Variants in KCNQ5 observed in about 807,000 individuals in gnomAD.
The protein encoded by KCNQ5 is potassium voltage-gated channel subfamily KQT member 5.
Under a neutral mutation model 98.2 loss-of-function variants are expected in KCNQ5, and 30 were observed. That is an observed-to-expected ratio of 0.31 (90% CI 0.23 to 0.41). The LOEUF is 0.41. Ranked by LOEUF, KCNQ5 falls within the 10% of genes least tolerant of loss-of-function variation. The pLI is 1.00. For synonymous variants in KCNQ5, 458 were observed against 449.4 expected (o/e 1.02, Z -0.24); for missense variants, 835 against 1,182.5 (o/e 0.71, Z 4.31).
intron 10 of KCNQ5, among the ~76,000 whole-genome samples, chr6:73,160,531 CA>C (rs1402169784): frequency 6.6e-6 from 1 of 152,152 alleles, no homozygotes; most frequent in Non-Finnish European, 1.5e-5. Flanking sequence ...TGTGATAGGA[CA>C]AAACCTTGTT....
At chr6:72,897,072 C>T (rs916347066) in intron 1 of KCNQ5, among the ~76,000 whole-genome samples, 2 of 151,902 alleles carry the variant, frequency 1.3e-5, no homozygotes, top group African/African-American at 4.8e-5. Flanking sequence ...AGAGCCCCAA[C>T]ATAGAAAACA....
chr6:72,683,136 T>C (rs1484004898), intron 1 of KCNQ5, among the ~76,000 whole-genome samples: 2 of 152,186 alleles, frequency 1.3e-5, no homozygotes, highest in Non-Finnish European at 2.9e-5. Context: ...TATGGGTAAT[T>C]AACTCAAGTT....
At chr6:72,862,641 T>C (rs1464064246) in intron 1 of KCNQ5, among the ~76,000 whole-genome samples, 1 of 152,150 alleles carries the variant, frequency 6.6e-6, no homozygotes, top group African/African-American at 2.4e-5. Flanking sequence ...TATTTATTTA[T>C]TTTTGAGACA....
chr6:73,055,788 C>T, intron 3 of KCNQ5: 5 of 887,392 alleles, frequency 5.6e-6, no homozygotes, highest in South Asian at 5.2e-5. Context: ...CCACGCAGTT[C>T]CTAGGGGATG....
rs187300996 is a variant in KCNQ5 at position 72,657,454 on chromosome 6, T to C, written c.398+34867T>C. ...TTAATTCACCCAGTTGACAAATAGA[T>C]ACTTTTTCAATGAAATATATTTAAG... On this transcript the variant is annotated intron_variant, in intron 1 of 13. Coordinates refer to ENST00000370398, the MANE Select transcript of KCNQ5 (RefSeq NM_019842.4). Among the ~76,000 whole-genome samples, 185 of 152,324 alleles carry C rather than the reference T, an allele frequency of 1.2e-3. 1 individual carries two copies. Among genetic ancestry groups the C allele is most frequent in the Non-Finnish European group, 2.1e-3 (146 of 68,022 alleles).
intron 1 of KCNQ5, among the ~76,000 whole-genome samples, chr6:72,881,040 T>C (rs892253793): frequency 6.6e-6 from 1 of 152,232 alleles, no homozygotes; most frequent in African/African-American, 2.4e-5. Context: ...ATGATGATGG[T>C]AATTATGATG....
At chr6:72,929,195 GA>G (rs1281323869) in intron 1 of KCNQ5, among the ~76,000 whole-genome samples, 1 of 152,114 alleles carries the variant, frequency 6.6e-6, no homozygotes, top group African/African-American at 2.4e-5. Context: ...ATGTGGTACT[GA>G]AACTAAGATC....
chr6:72,857,159 A>G (rs1190943751), intron 1 of KCNQ5, among the ~76,000 whole-genome samples: 4 of 152,236 alleles, frequency 2.6e-5, no homozygotes, highest in Admixed American at 2.6e-4. Context: ...ACTAGAAGAA[A>G]AAAAGGACTA....
At chr6:73,063,324 T>C (rs2150377455) in intron 3 of KCNQ5, among the ~76,000 whole-genome samples, 1 of 152,254 alleles carries the variant, frequency 6.6e-6, no homozygotes, top group East Asian at 1.9e-4. Context: ...AGACAATGTG[T>C]TTCACCGCCT....
intron 1 of KCNQ5, chr6:72,987,690 C>A: frequency 1.7e-6 from 1 of 590,384 alleles, no homozygotes. Flanking sequence ...TCTCCACCGC[C>A]CCCAACAAGA....
At chr6:72,819,186 G>C (rs755744207) in intron 1 of KCNQ5, among the ~76,000 whole-genome samples, 2 of 151,824 alleles carry the variant, frequency 1.3e-5, no homozygotes, top group Non-Finnish European at 2.9e-5. Flanking sequence ...GTACATCGTA[G>C]GTGTATAAAT....
chr6:73,115,122 C>T (rs531279331), intron 7 of KCNQ5, among the ~76,000 whole-genome samples: 1 of 151,256 alleles, frequency 6.6e-6, no homozygotes, highest in Non-Finnish European at 1.5e-5. Context: ...ATAGTGAGAC[C>T]ACATTTCTTT....
intron 2 of KCNQ5, among the ~76,000 whole-genome samples, chr6:73,026,596 G>A (rs979139664): frequency 6.6e-6 from 1 of 151,972 alleles, no homozygotes; most frequent in Non-Finnish European, 1.5e-5. Flanking sequence ...CAATGTACTT[G>A]TTCATTATAT....
intron 1 of KCNQ5, among the ~76,000 whole-genome samples, chr6:72,642,226 A>G (rs1765356039): frequency 6.6e-6 from 1 of 151,582 alleles, no homozygotes; most frequent in Admixed American, 6.6e-5. Flanking sequence ...AGTAAAAAAC[A>G]AACACACATA....
intron 1 of KCNQ5, among the ~76,000 whole-genome samples, chr6:72,937,733 G>A: frequency 6.6e-6 from 1 of 152,016 alleles, no homozygotes; most frequent in East Asian, 1.9e-4. Context: ...TAAGTTCTCT[G>A]TTATTATGCA....
intron 1 of KCNQ5, among the ~76,000 whole-genome samples, chr6:72,888,794 G>T (rs529861301): frequency 6.6e-6 from 1 of 152,098 alleles, no homozygotes; most frequent in Admixed American, 6.6e-5. Flanking sequence ...GCATTCCTGA[G>T]TAGTCCTTCA....
At chr6:73,173,986 G>C (rs1778113093) in intron 11 of KCNQ5, among the ~76,000 whole-genome samples, 1 of 152,054 alleles carries the variant, frequency 6.6e-6, no homozygotes, top group Non-Finnish European at 1.5e-5. Context: ...TCACCATTTG[G>C]GGAAAGAGCT....
intron 3 of KCNQ5, among the ~76,000 whole-genome samples, chr6:73,063,596 G>T (rs1772881078): frequency 6.6e-6 from 1 of 151,994 alleles, no homozygotes; most frequent in African/African-American, 2.4e-5. Context: ...ATGGGAGTTA[G>T]ATGCATAATT....
intron 3 of KCNQ5, among the ~76,000 whole-genome samples, chr6:73,046,599 C>CTTTACTTTATTCTAT (rs1771967854): frequency 1.4e-5 from 1 of 72,400 alleles, no homozygotes; most frequent in East Asian, 4.5e-4. Context: ...TTTTACTTTA[C>CTTTACTTTATTCTAT]TTTATTTTAT....
Sources: allele counts gnomAD v4.1 joint callset (sites outside exome capture counted in the v4.1 genomes callset), GRCh38; gene constraint gnomAD v4.1.1; transcripts MANE v1.5; gene names NCBI Gene and HGNC (gene_info 2026-07-23, HGNC 2026-07-21).